The following AKR1B10 variants were observed in gnomAD, a reference collection of about 807,000 sequenced individuals.
AKR1B10 encodes the protein ARP.
Under a neutral mutation model 38.9 loss-of-function variants are expected in AKR1B10, and 39 were observed. The ratio of observed to expected loss-of-function variants is 1.00; its 90% CI spans 0.78 to 1.31. AKR1B10 has a LOEUF of 1.31. AKR1B10 is among the 50% of genes most tolerant of loss of function. The pLI is 0.00. For synonymous variants in AKR1B10, 148 were observed against 141.2 expected (o/e 1.05, Z -0.34); for missense variants, 361 against 382.6 (o/e 0.94, Z 0.47).
At chr7:134,539,241 C>G (rs990638170) in intron 9 of AKR1B10, among the ~76,000 whole-genome samples, 1 of 152,136 alleles carries the variant, frequency 6.6e-6, no homozygotes, top group African/African-American at 2.4e-5. Flanking sequence ...AGAATCATAA[C>G]AGAAGGTGGG....
chr7:134,535,277 T>C (rs1186862451), intron 4 of AKR1B10, among the ~76,000 whole-genome samples: 1 of 152,118 alleles, frequency 6.6e-6, no homozygotes, highest in Non-Finnish European at 1.5e-5. Flanking sequence ...TAGTAGGTAT[T>C]ATAAGACTTT....
In AKR1B10 at chr7:134,537,770, C is replaced by T. The variant is rs1171077394; in HGVS notation, c.741+109C>T. 3.1e-6 allele frequency: 4 copies of T among 1,308,052 alleles called. No homozygotes were observed. In the Admixed American group the frequency reaches 8.3e-5, roughly 27 times the overall value. 81.0% of individuals were successfully genotyped at this position (1,308,052 alleles called of 1,614,324 possible). A position where few individuals can be genotyped will look rare whatever the true frequency, so the allele number is the denominator to read the frequency against. On this transcript the variant is annotated intron_variant, in intron 7 of 9. Transcript: ENST00000359579. Reference sequence around the variant, plus strand: ...TCCTTAAAGGGGAAGAATATAGGAGCTGAAGCCCTCTAAAGTGTTTCCTTT... The same window carrying T: ...TCCTTAAAGGGGAAGAATATAGGAGTTGAAGCCCTCTAAAGTGTTTCCTTT...
In AKR1B10 at chr7:134,527,776, A is replaced by G. The variant is rs1481951086; in HGVS notation, c.-136A>G. 3 of 1,300,432 alleles carry G rather than the reference A, an allele frequency of 2.3e-6. No individual in the cohort carries two copies. The highest frequency in any genetic ancestry group is 3.2e-6 in the Non-Finnish European group (3 of 943,800). The allele number at this position is 1,300,432 out of a possible 1,614,324, so 80.6% of individuals were successfully genotyped here. A position where few individuals can be genotyped will look rare whatever the true frequency, so the allele number is the denominator to read the frequency against. On this transcript the variant is annotated 5_prime_UTR_variant, in exon 1 of 10. Transcript: ENST00000359579. The stretch of plus-strand genomic sequence containing the variant: ...CAGGAGAATTGCTTGAACCCAGGAG[A>G]CAGAGGTTGTAGTGAGCTGAGATCG...
chr7:134,537,673 T>G lies in AKR1B10; in HGVS notation c.741+12T>G. 6.2e-7 allele frequency: 1 copy of G among 1,613,872 alleles called. No homozygotes were observed. Among genetic ancestry groups the G allele is most frequent in the Non-Finnish European group, 8.5e-7 (1 of 1,179,800 alleles). On this transcript the variant is annotated intron_variant, in intron 7 of 9. Transcript: ENST00000359579. ...AAACCGCAGCCCAGGTGCCATATTT[T>G]TATTTTTCTTGTTATCCAACAACTC...
At chr7:134,532,741 G>A (rs1025943344) in intron 3 of AKR1B10, among the ~76,000 whole-genome samples, 3 of 152,188 alleles carry the variant, frequency 2.0e-5, no homozygotes, top group Admixed American at 1.3e-4. Context: ...GGTGTATGAG[G>A]TTAATGTCCA....
intron 4 of AKR1B10, among the ~76,000 whole-genome samples, chr7:134,533,643 T>C (rs1293153280): frequency 4.6e-5 from 7 of 152,154 alleles, no homozygotes; most frequent in African/African-American, 1.7e-4. Context: ...TGTCACAATG[T>C]GTGTGGCAGA....
intron 8 of AKR1B10, among the ~76,000 whole-genome samples, chr7:134,538,701 G>A (rs1363197874): frequency 6.6e-6 from 1 of 152,192 alleles, no homozygotes; most frequent in Non-Finnish European, 1.5e-5. Flanking sequence ...CTGGGGTTTA[G>A]TGCCTGTGAG....
At chr7:134,539,651 G>A (rs1562932468) in intron 9 of AKR1B10, among the ~76,000 whole-genome samples, 1 of 152,146 alleles carries the variant, frequency 6.6e-6, no homozygotes, top group Non-Finnish European at 1.5e-5. Flanking sequence ...GAACATTCAA[G>A]CAAGAAGGCC....
chr7:134,536,583 A>C, intron 4 of AKR1B10, 67 bp from the exon 5 acceptor site: 1 of 1,570,736 alleles, frequency 6.4e-7, no homozygotes, highest in Non-Finnish European at 8.6e-7. Context: ...CCCAGGGAGG[A>C]CTAAGGCAAG....
intron 8 of AKR1B10, among the ~76,000 whole-genome samples, 186 bp from the exon 9 acceptor site, chr7:134,538,749 A>G (rs962693955): frequency 3.3e-5 from 5 of 152,188 alleles, no homozygotes; most frequent in Non-Finnish European, 7.3e-5. Context: ...AGCACTACAA[A>G]TACTGTGGTC....
intron 9 of AKR1B10, 122 bp from the exon 10 acceptor site, chr7:134,540,925 G>A (rs1303855809): frequency 2.8e-6 from 2 of 719,494 alleles, no homozygotes; most frequent in Non-Finnish European, 4.8e-6. Context: ...TGTTCTTGCA[G>A]GGAGGAGGCT....
intron 2 of AKR1B10, among the ~76,000 whole-genome samples, chr7:134,531,384 C>T (rs1293460264): frequency 6.6e-6 from 1 of 152,138 alleles, no homozygotes. Context: ...AACACTAGTT[C>T]TAGGTACTTG....
intron 1 of AKR1B10, among the ~76,000 whole-genome samples, chr7:134,529,661 A>G (rs1440705150): frequency 2.0e-5 from 3 of 152,196 alleles, no homozygotes; most frequent in South Asian, 2.1e-4. Context: ...TTATCTCACA[A>G]TTGAAGAGGT....
At chr7:134,539,220 G>T (rs1414176076) in intron 9 of AKR1B10, 2 of 623,864 alleles carry the variant, frequency 3.2e-6, no homozygotes, top group Non-Finnish European at 5.6e-6. Flanking sequence ...TGAACTTCTG[G>T]ATGTAGAGCT....
At chr7:134,538,004 GT>G in intron 7 of AKR1B10, 189 bp from the exon 8 acceptor site, 1 of 659,192 alleles carries the variant, frequency 1.5e-6, no homozygotes, top group South Asian at 1.8e-5. Context: ...AGATCACAGG[GT>G]TGTCTCTAAG....
intron 7 of AKR1B10, 66 bp downstream of exon 7, chr7:134,537,727 G>A: frequency 6.3e-7 from 1 of 1,582,288 alleles, no homozygotes; most frequent in Non-Finnish European, 8.7e-7. Context: ...TTCATATCCT[G>A]TGTTGTCCTC....
rs1808145948 is a variant in AKR1B10, at chr7:134,541,329, C to G, written c.*240C>G. On this transcript the variant is annotated 3_prime_UTR_variant, in exon 10 of 10. Transcript: ENST00000359579. ...TGACAATTTTTTCCACTTATCTGAT[C>G]AGAACAAATGTTTATTAAGCATCAG... is the stretch of plus-strand genomic sequence containing the variant. The G allele has an allele frequency of 4.4e-6, 2 of 450,274 alleles. No individual in the cohort carries two copies. The highest frequency in any genetic ancestry group is 8.4e-5 in the Admixed American group (2 of 23,842). 27.9% of individuals were successfully genotyped at this position (450,274 alleles called of 1,614,324 possible).
chr7:134,538,272 A>T lies in AKR1B10; in HGVS notation c.820A>T (p.Ile274Phe). 1 of 1,613,866 alleles carries T rather than the reference A, an allele frequency of 6.2e-7. No individual in the cohort carries two copies. Among genetic ancestry groups the T allele is most frequent in the South Asian group, 1.1e-5 (1 of 91,006 alleles). ...GACACCAGCACGCATTGTTGAGAAC[A>T]TTCAGGTAAGTTTCCGGCTGGTCGG... is the stretch of plus-strand genomic sequence containing the variant. ...SVTPARIVEN[I>F]QVFDFKLSDE... Residue 274 changes from isoleucine to phenylalanine, a missense_variant, in exon 8 of 10, where the codon ATT becomes TTT. Around this residue, in one of 3 missense-constraint regions of AKR1B10, gnomAD observed 132 missense variants for 134.6 expected, o/e 0.98. Transcript: ENST00000359579.
chr7:134,538,826 C>A (rs1054493210), intron 8 of AKR1B10, 109 bp from the exon 9 acceptor site: 10 of 1,275,788 alleles, frequency 7.8e-6, no homozygotes, highest in Non-Finnish European at 1.0e-5. Context: ...ACTCCTGTGG[C>A]CAGTTTGTGC....
Sources: allele counts gnomAD v4.1 joint callset (sites outside exome capture counted in the v4.1 genomes callset), GRCh38; gene constraint gnomAD v4.1.1; regional missense constraint gnomAD v4.1.1; transcripts MANE v1.5; gene names NCBI Gene and HGNC (gene_info 2026-07-23, HGNC 2026-07-21).